Variants in FHOD3 observed in about 807,000 individuals in gnomAD.
The protein encoded by FHOD3 is FH1/FH2 domain-containing protein 3.
In FHOD3, 90 loss-of-function variants were observed where a neutral mutation model predicts 173.0. That is an observed-to-expected ratio of 0.52 (90% CI 0.44 to 0.62). FHOD3 has a LOEUF of 0.62. Ranked by LOEUF, FHOD3 falls within the 20% of genes least tolerant of loss-of-function variation. The pLI is 0.00. For synonymous variants in FHOD3, 828 were observed against 823.0 expected (o/e 1.01, Z -0.10); for missense variants, 1,945 against 2,034.7 (o/e 0.96, Z 0.85).
chr18:36,759,530 G>A (rs2042779232), intron 26 of FHOD3, among the ~76,000 whole-genome samples: 1 of 152,226 alleles, frequency 6.6e-6, no homozygotes, highest in African/African-American at 2.4e-5. Flanking sequence ...GAGGAAGTGG[G>A]GCAGTGGCCA....
intron 5 of FHOD3, among the ~76,000 whole-genome samples, chr18:36,552,457 C>T (rs1224903338): frequency 6.6e-6 from 1 of 151,612 alleles, no homozygotes; most frequent in African/African-American, 2.4e-5. Context: ...GACAATTTGA[C>T]TTCCTCTTTT....
At chr18:36,470,145 C>T (rs2053194410) in intron 3 of FHOD3, among the ~76,000 whole-genome samples, 1 of 152,134 alleles carries the variant, frequency 6.6e-6, no homozygotes, top group Non-Finnish European at 1.5e-5. Context: ...GGAGCAGGTC[C>T]TAGGAACGTG....
rs532740450 is a variant in FHOD3, at chr18:36,608,622, A to G, written c.814-3330A>G. Reference sequence around the variant, plus strand: ...TTAGAATACAGACTAAGAATAGCATAGTATTCCCCCATGTTATCCTTTTAT... The same window carrying G: ...TTAGAATACAGACTAAGAATAGCATGGTATTCCCCCATGTTATCCTTTTAT... On this transcript the variant is annotated intron_variant, in intron 8 of 28. Coordinates refer to ENST00000590592, the MANE Select transcript of FHOD3 (RefSeq NM_001281740.3). Among the ~76,000 whole-genome samples the G allele has an allele frequency of 8.5e-5, 13 of 152,338 alleles. No individual in the cohort carries two copies. The South Asian group carries it at 2.5e-3, about 29-fold the overall frequency.
rs766982996 is a variant in FHOD3, at chr18:36,726,765, C to T, written c.3418-3881C>T. On this transcript the variant is annotated intron_variant, in intron 19 of 28. Coordinates refer to ENST00000590592, the MANE Select transcript of FHOD3 (RefSeq NM_001281740.3). Reference sequence around the variant, plus strand: ...ACTCTGCTCACTGCAACCTCTGCCTCCTGGGTTCAAGTGATTCTCCTGCCT... The same window carrying T: ...ACTCTGCTCACTGCAACCTCTGCCTTCTGGGTTCAAGTGATTCTCCTGCCT... 1.3e-5 allele frequency among the ~76,000 whole-genome samples: 2 copies of T among 152,144 alleles called. 1 individual carries two copies. The highest frequency in any genetic ancestry group is 2.9e-5 in the Non-Finnish European group (2 of 68,022).
intron 16 of FHOD3, among the ~76,000 whole-genome samples, chr18:36,691,860 AGGAT>A (rs371711733): frequency 1.3e-5 from 2 of 152,248 alleles, no homozygotes; most frequent in African/African-American, 4.8e-5. Context: ...GAAAGAACAG[AGGAT>A]GGTAATCTTC....
intron 1 of FHOD3, among the ~76,000 whole-genome samples, chr18:36,342,931 C>T (rs1266213315): frequency 6.6e-6 from 1 of 152,130 alleles, no homozygotes; most frequent in African/African-American, 2.4e-5. Context: ...TGATCAAAAC[C>T]ATTAGCCATC....
chr18:36,687,348 T>A (rs965293551), intron 16 of FHOD3, among the ~76,000 whole-genome samples, 170 bp downstream of exon 16: 1 of 152,182 alleles, frequency 6.6e-6, no homozygotes, highest in East Asian at 1.9e-4. Context: ...CCAATAAAAG[T>A]ATGGAGTTGT....
intron 3 of FHOD3, among the ~76,000 whole-genome samples, chr18:36,482,450 A>AC (rs142805193): frequency 0.46 from 70,476 of 151,648 alleles, 16,807 homozygotes; most frequent in South Asian, 0.58. Context: ...CCACTGCGTG[A>AC]CCCCCCCGCC....
chr18:36,369,929 C>G (rs529823775), intron 2 of FHOD3, among the ~76,000 whole-genome samples: 1 of 152,160 alleles, frequency 6.6e-6, no homozygotes, highest in Non-Finnish European at 1.5e-5. Context: ...TGCTTTCAAC[C>G]CTGCTTCTGT....
At chr18:36,551,178 T>G (rs995050227) in intron 5 of FHOD3, among the ~76,000 whole-genome samples, 5 of 152,236 alleles carry the variant, frequency 3.3e-5, no homozygotes, top group African/African-American at 7.2e-5. Context: ...TTTTTGTTTG[T>G]TGATATAGTG....
At chr18:36,477,427 C>T (rs2145345703) in intron 3 of FHOD3, among the ~76,000 whole-genome samples, 1 of 152,166 alleles carries the variant, frequency 6.6e-6, no homozygotes, top group African/African-American at 2.4e-5. Context: ...AGTCAAGTGA[C>T]TTTTCCTGTG....
intron 2 of FHOD3, among the ~76,000 whole-genome samples, chr18:36,372,126 G>A (rs2047223236): frequency 6.6e-6 from 1 of 152,196 alleles, no homozygotes; most frequent in African/African-American, 2.4e-5. Context: ...GTGGTGTGGT[G>A]TAAATTGACG....
intron 6 of FHOD3, among the ~76,000 whole-genome samples, chr18:36,584,756 AT>A (rs2058970089): frequency 5.3e-5 from 8 of 152,220 alleles, no homozygotes; most frequent in Admixed American, 5.2e-4. Context: ...TGAATAACAC[AT>A]AGACCCCTTC....
intron 5 of FHOD3, among the ~76,000 whole-genome samples, chr18:36,547,664 G>A (rs921939969): frequency 2.0e-5 from 3 of 152,176 alleles, no homozygotes; most frequent in African/African-American, 7.2e-5. Flanking sequence ...ACACGGGAGG[G>A]AGGAAACCTT....
chr18:36,470,483 G>C (rs557558897), intron 3 of FHOD3, among the ~76,000 whole-genome samples: 95 of 152,294 alleles, frequency 6.2e-4, no homozygotes, highest in Non-Finnish European at 9.6e-4. Flanking sequence ...ACTGGGGGAG[G>C]GAGTGGAATA....
At chr18:36,665,107 A>G (rs1010065593) in intron 14 of FHOD3, among the ~76,000 whole-genome samples, 2 of 152,164 alleles carry the variant, frequency 1.3e-5, no homozygotes, top group Non-Finnish European at 2.9e-5. Flanking sequence ...AAGAAAATGT[A>G]TATTGCTAGA....
chr18:36,716,596 A>T (rs954162518), intron 18 of FHOD3, among the ~76,000 whole-genome samples: 4 of 152,192 alleles, frequency 2.6e-5, no homozygotes, highest in African/African-American at 9.7e-5. Context: ...AAGGTTAATG[A>T]TAAGGAGGAA....
At chr18:36,596,795 A>G (rs554254336) in intron 7 of FHOD3, among the ~76,000 whole-genome samples, 1 of 152,160 alleles carries the variant, frequency 6.6e-6, no homozygotes, top group South Asian at 2.1e-4. Flanking sequence ...TCTGCCACAA[A>G]ATGTTGCCCT....
intron 17 of FHOD3, among the ~76,000 whole-genome samples, chr18:36,700,378 C>T (rs2039514321): frequency 6.6e-6 from 1 of 152,144 alleles, no homozygotes; most frequent in Non-Finnish European, 1.5e-5. Flanking sequence ...CCAGAAACCC[C>T]CACCCGAAAC....
Sources: gnomAD v4.1 joint callset for allele counts (sites outside exome capture counted in the v4.1 genomes callset) on GRCh38, gnomAD v4.1.1 for gene constraint, MANE v1.5 for transcripts, NCBI Gene and HGNC (gene_info 2026-07-23, HGNC 2026-07-21) for gene names.